Variants in POLR2F observed in about 807,000 individuals in gnomAD.
POLR2F encodes RNA polymerase II, I and III subunit F.
In POLR2F, 12 loss-of-function variants were observed where a neutral mutation model predicts 22.7. The ratio of observed to expected loss-of-function variants is 0.53; its 90% CI spans 0.34 to 0.86. POLR2F has a LOEUF of 0.86. Among genes scored for constraint, POLR2F ranks in the 40% least tolerant of loss-of-function variants. The probability of loss-of-function intolerance (pLI) is 0.02; values close to 1 mark genes in which losing one functional copy is unlikely to be tolerated. For missense variants in POLR2F, 126 were observed against 171.5 expected (o/e 0.73, Z 1.48); for synonymous variants, 57 against 66.0 (o/e 0.86, Z 0.66).
At chr22:37,961,390 A>G (rs1283218070) in intron 3 of POLR2F, among the ~76,000 whole-genome samples, 1 of 152,180 alleles carries the variant, frequency 6.6e-6, no homozygotes, top group Admixed American at 6.6e-5. Context: ...GAGGTAGACT[A>G]TGGCCAGTCC....
intron 5 of POLR2F, among the ~76,000 whole-genome samples, chr22:38,038,933 G>C (rs1397838540): frequency 6.6e-6 from 1 of 152,126 alleles, no homozygotes; most frequent in Non-Finnish European, 1.5e-5. Context: ...TCGGGGCCGG[G>C]GCAGTCGTAG....
At chr22:37,961,865 G>C (rs1235929473) in intron 3 of POLR2F, among the ~76,000 whole-genome samples, 2 of 152,040 alleles carry the variant, frequency 1.3e-5, no homozygotes, top group African/African-American at 4.8e-5. Flanking sequence ...ACTCCCTATA[G>C]ACTGATGTGG....
intron 1 of POLR2F, among the ~76,000 whole-genome samples, chr22:38,023,002 A>C (rs988974911): frequency 2.6e-5 from 4 of 152,174 alleles, no homozygotes; most frequent in Non-Finnish European, 1.5e-5. Context: ...CAAGAACAAG[A>C]CTCTGTCTCT....
downstream of POLR2F, among the ~76,000 whole-genome samples, chr22:38,028,906 C>A (rs2085040257): frequency 6.6e-6 from 1 of 152,212 alleles, no homozygotes; most frequent in African/African-American, 2.4e-5. Flanking sequence ...GCCCTGCAAG[C>A]CCCGGCCACT....
intron 1 of POLR2F, among the ~76,000 whole-genome samples, chr22:38,023,757 C>T (rs1228041571): frequency 1.3e-5 from 2 of 152,032 alleles, no homozygotes; most frequent in Non-Finnish European, 2.9e-5. Context: ...ACTGCAACCT[C>T]TGCCTCCCGG....
intron 5 of POLR2F, among the ~76,000 whole-genome samples, chr22:38,038,463 C>G (rs1381477194): frequency 6.6e-6 from 1 of 152,062 alleles, no homozygotes; most frequent in East Asian, 1.9e-4. Flanking sequence ...GGGCTCTGGA[C>G]CCAGGAGCCA....
At chr22:37,964,572 C>CTTTTTT (rs11428366) in intron 3 of POLR2F, among the ~76,000 whole-genome samples, 2 of 131,300 alleles carry the variant, frequency 1.5e-5, no homozygotes, top group Non-Finnish European at 3.2e-5. Context: ...TTCTTTCTTT[C>CTTTTTT]TTTTTTTTTT....
At chr22:37,993,843 G>A (rs1385540983) in intron 1 of POLR2F, among the ~76,000 whole-genome samples, 2 of 152,114 alleles carry the variant, frequency 1.3e-5, no homozygotes, top group Non-Finnish European at 2.9e-5. Context: ...CAAAAAATTA[G>A]CTGGGCATGG....
At chr22:37,993,351 G>C (rs1232550888) in intron 1 of POLR2F, among the ~76,000 whole-genome samples, 5 of 152,158 alleles carry the variant, frequency 3.3e-5, no homozygotes, top group Non-Finnish European at 7.4e-5. Context: ...CATTGCCCCA[G>C]ACCAGGGCTG....
intron 5 of POLR2F, among the ~76,000 whole-genome samples, chr22:38,038,794 G>A (rs887350905): frequency 1.8e-4 from 4 of 22,794 alleles, no homozygotes; most frequent in African/African-American, 5.2e-4. Context: ...TCCTCCCCCC[G>A]CCGGCGCCCG....
At position 37,986,397 on chromosome 22, in the gene POLR2F, C is replaced by A. The variant is rs1932579823; in HGVS notation, c.120+85C>A. The A allele has an allele frequency of 6.5e-7, 1 of 1,530,572 alleles. No homozygotes were observed. The highest frequency in any genetic ancestry group is 2.0e-5 in the Admixed American group (1 of 50,768). 94.8% of individuals were successfully genotyped at this position (1,530,572 alleles called of 1,614,324 possible). On this transcript the variant is annotated intron_variant, in intron 1 of 2. Coordinates refer to the POLR2F transcript ENST00000333418. This position sits in a 1 kb window ranked among gnomAD's most constrained non-coding sequence, Gnocchi z 4.7. ...CGCTCTCTGCTGTGTCTGTGACTGG[C>A]CTGAGACCCGCCTGGGGCAGGAGGG...
intron 5 of POLR2F, among the ~76,000 whole-genome samples, chr22:38,037,097 C>A (rs552100356): frequency 7.2e-5 from 11 of 152,242 alleles, no homozygotes; most frequent in Admixed American, 7.2e-4. Flanking sequence ...TATGCATCTT[C>A]CTGAGGAGAG....
chr22:37,983,610 G>T (rs1367116894), upstream of POLR2F: 2 of 1,607,368 alleles, frequency 1.2e-6, no homozygotes, highest in African/African-American at 1.3e-5. The surrounding 1 kb of genome is among the most constrained non-coding windows in gnomAD (Gnocchi z 9.5). Flanking sequence ...TCGCCGTCCT[G>T]CTGCTCCTTC....
upstream of POLR2F, chr22:37,984,493 A>G: frequency 6.5e-6 from 1 of 152,776 alleles, no homozygotes; most frequent in East Asian, 1.9e-4. The surrounding 1 kb of genome is among the most constrained non-coding windows in gnomAD (Gnocchi z 4.4). Context: ...CCTCGTTAGG[A>G]CGGAGCCTGA....
upstream of POLR2F, among the ~76,000 whole-genome samples, chr22:37,982,832 A>C (rs915722755): frequency 6.6e-6 from 1 of 152,184 alleles, no homozygotes; most frequent in Non-Finnish European, 1.5e-5. Flanking sequence ...GAGGTCCCGC[A>C]GCAGCAGATT....
At chr22:37,995,960 C>A (rs1161863678) in intron 1 of POLR2F, among the ~76,000 whole-genome samples, 1 of 152,114 alleles carries the variant, frequency 6.6e-6, no homozygotes, top group Non-Finnish European at 1.5e-5. Context: ...ATGATCGTGG[C>A]ACTGCACTCT....
At chr22:37,991,692 A>G (rs1932731366) in intron 1 of POLR2F, among the ~76,000 whole-genome samples, 1 of 152,050 alleles carries the variant, frequency 6.6e-6, no homozygotes, top group South Asian at 2.1e-4. Context: ...CATGTTCCTT[A>G]CTTTGGGGTC....
chr22:37,983,876 G>C, upstream of POLR2F: 1 of 1,150,136 alleles, frequency 8.7e-7, no homozygotes, highest in East Asian at 4.2e-5. This position sits in a 1 kb window ranked among gnomAD's most constrained non-coding sequence, Gnocchi z 9.5. Flanking sequence ...CACCTGGATG[G>C]AAGGAGGGCG....
intron 1 of POLR2F, among the ~76,000 whole-genome samples, chr22:38,021,684 T>A (rs1007162659): frequency 5.3e-5 from 8 of 151,758 alleles, no homozygotes; most frequent in Non-Finnish European, 7.4e-5. Flanking sequence ...CTCAAACTCC[T>A]GGGCTTAAGT....
Sources: allele counts gnomAD v4.1 joint callset (sites outside exome capture counted in the v4.1 genomes callset), GRCh38; gene constraint gnomAD v4.1.1; non-coding constraint Gnocchi (gnomAD v3.1); transcripts MANE v1.5; gene names NCBI Gene and HGNC (gene_info 2026-07-23, HGNC 2026-07-21).